Variants in CDK6 observed in about 807,000 individuals in gnomAD.
CDK6 encodes the protein cyclin-dependent kinase 6.
CDK6 carries 6 observed loss-of-function variants against 37.1 expected under a neutral mutation model. The ratio of observed to expected loss-of-function variants is 0.16; its 90% confidence interval spans 0.09 to 0.32. CDK6 has a LOEUF of 0.32. Ranked by LOEUF, CDK6 falls within the 10% of genes least tolerant of loss-of-function variation. The probability of loss-of-function intolerance (pLI) is 1.00; values close to 1 mark genes in which losing one functional copy is unlikely to be tolerated. For missense variants in CDK6, 224 were observed against 418.9 expected (o/e 0.53, Z 4.06); for synonymous variants, 160 against 161.3 (o/e 0.99, Z 0.06).
chr7:92,613,479 C>G lies in CDK6; in HGVS notation c.*1661G>C, dbSNP rs931513746. On this transcript the variant is annotated 3_prime_UTR_variant, in exon 8 of 8. Transcript: ENST00000424848. The stretch of plus-strand genomic sequence containing the variant: ...TTACTAGAGCCAACTGAGCACTAAA[C>G]CACTTATAAGGCAGAGATGGTATGA... 22 of 233,520 alleles carry G rather than the reference C, an allele frequency of 9.4e-5. No individual in the cohort carries two copies. Among genetic ancestry groups the G allele is most frequent in the Non-Finnish European group, 1.8e-4 (21 of 118,052 alleles). 14.5% of individuals were successfully genotyped at this position (233,520 alleles called of 1,614,324 possible). A position where few individuals can be genotyped will look rare whatever the true frequency, so the allele number is the denominator to read the frequency against.
At chr7:92,761,865 C>T (rs1037207476) in intron 3 of CDK6, among the ~76,000 whole-genome samples, 2 of 152,204 alleles carry the variant, frequency 1.3e-5, no homozygotes, top group Non-Finnish European at 2.9e-5. Context: ...TTTCTTAATT[C>T]ACTCTAATGT....
intron 5 of CDK6, among the ~76,000 whole-genome samples, chr7:92,661,968 T>C (rs1304469229): frequency 6.6e-6 from 1 of 152,172 alleles, no homozygotes; most frequent in Non-Finnish European, 1.5e-5. Flanking sequence ...GAGACACTAT[T>C]CTTTCAAGAA....
Position 92,701,111 on chromosome 7 carries a change from G to A in CDK6, c.537+24515C>T, listed in dbSNP as rs370435064. 1.4e-4 allele frequency among the ~76,000 whole-genome samples: 21 copies of A among 152,254 alleles called. No individual in the cohort carries two copies. The East Asian group carries it at 3.9e-3, about 28-fold the overall frequency. On this transcript the variant is annotated intron_variant, in intron 4 of 7. Coordinates refer to ENST00000424848, the MANE Select transcript of CDK6 (RefSeq NM_001145306.2). The stretch of plus-strand genomic sequence containing the variant: ...TTAAGGCTTCTTTGGAAAATAGTGG[G>A]TACAGACTGTGCTTGAAGGCATGGG...
rs191103805 is a variant in CDK6 at position 92,768,603 on chromosome 7, T to C, written c.369+6093A>G. Reference sequence around the variant, plus strand: ...CAATTAGTGCAGCTATGATATTAGATTGAAAAAAATTTCCTTCCAAGATCT... The same window carrying C: ...CAATTAGTGCAGCTATGATATTAGACTGAAAAAAATTTCCTTCCAAGATCT... On this transcript the variant is annotated intron_variant, in intron 3 of 7. Transcript: ENST00000424848. Among the ~76,000 whole-genome samples the C allele has an allele frequency of 5.9e-5, 9 of 152,350 alleles. No homozygotes were observed. In the East Asian group the frequency reaches 1.5e-3, roughly 26 times the overall value.
At chr7:92,724,041 A>T (rs1798450640) in intron 4 of CDK6, among the ~76,000 whole-genome samples, 1 of 152,154 alleles carries the variant, frequency 6.6e-6, no homozygotes, top group Non-Finnish European at 1.5e-5. Context: ...CCTTCAATTA[A>T]CGTACCCAAG....
chr7:92,705,338 T>C (rs1797942320), intron 4 of CDK6, among the ~76,000 whole-genome samples: 1 of 152,230 alleles, frequency 6.6e-6, no homozygotes, highest in Admixed American at 6.5e-5. Context: ...TACGATGTCC[T>C]TCAGGCACCA....
chr7:92,646,754 C>T (rs1264012172), intron 5 of CDK6, among the ~76,000 whole-genome samples: 1 of 151,956 alleles, frequency 6.6e-6, no homozygotes, highest in East Asian at 1.9e-4. Flanking sequence ...GAGAAGAATC[C>T]CATGGGATTC....
intron 3 of CDK6, among the ~76,000 whole-genome samples, chr7:92,749,396 C>A (rs913230982): frequency 5.9e-5 from 9 of 152,148 alleles, no homozygotes; most frequent in African/African-American, 1.9e-4. Context: ...CCCAGGAGTT[C>A]AAGGCTGCAG....
Position 92,833,492 on chromosome 7 carries a change from G to A in CDK6, c.-169C>T, listed in dbSNP as rs1801551255. 1 of 571,090 alleles carries A rather than the reference G, an allele frequency of 1.8e-6. No individual in the cohort carries two copies. 35.4% of individuals were successfully genotyped at this position (571,090 alleles called of 1,614,324 possible). On this transcript the variant is annotated 5_prime_UTR_variant, in exon 2 of 8. Transcript: ENST00000424848. The surrounding 1 kb of genome is among the most constrained non-coding windows in gnomAD (Gnocchi z 6.1). ...CGCTGGGGCTTTCGCCGCTGCAGAA[G>A]CTGGATGGAGAGACCTCCCCGCGGG... is the stretch of plus-strand genomic sequence containing the variant.
chr7:92,709,325 C>T (rs922976819), intron 4 of CDK6, among the ~76,000 whole-genome samples: 1 of 152,090 alleles, frequency 6.6e-6, no homozygotes, highest in Non-Finnish European at 1.5e-5. Context: ...TGAACATGAG[C>T]TGATGTTTCT....
At chr7:92,778,113 A>G (rs1248266708) in intron 2 of CDK6, among the ~76,000 whole-genome samples, 1 of 152,010 alleles carries the variant, frequency 6.6e-6, no homozygotes, top group African/African-American at 2.4e-5. Flanking sequence ...CCAAAACCAA[A>G]AACAAAAAAC....
chr7:92,703,273 T>G (rs568938196), intron 4 of CDK6, among the ~76,000 whole-genome samples: 6 of 151,926 alleles, frequency 3.9e-5, no homozygotes, highest in African/African-American at 1.4e-4. Context: ...TGCTAGAGCC[T>G]CTCCCATAAC....
chr7:92,700,134 A>G lies in CDK6; in HGVS notation c.537+25492T>C, dbSNP rs536751177. On this transcript the variant is annotated intron_variant, in intron 4 of 7. Transcript: ENST00000424848. ...GGGCAAGGGCATGACTGGTAGAGAG[A>G]GCAACATGAGCAAAAGTTGAGGAGT... Among the ~76,000 whole-genome samples the G allele has an allele frequency of 2.0e-5, 3 of 152,280 alleles. No individual in the cohort carries two copies. In the South Asian group the frequency reaches 6.2e-4, roughly 32 times the overall value.
intron 3 of CDK6, among the ~76,000 whole-genome samples, chr7:92,762,359 G>T (rs1383690551): frequency 1.3e-5 from 2 of 151,952 alleles, no homozygotes; most frequent in Middle Eastern, 3.2e-3. Flanking sequence ...TCCCGACCCG[G>T]AATATATTTT....
chr7:92,752,976 C>T (rs1156877817), intron 3 of CDK6, among the ~76,000 whole-genome samples: 2 of 152,028 alleles, frequency 1.3e-5, no homozygotes, highest in South Asian at 2.1e-4. Context: ...AATAATAATG[C>T]TTTTTAAACA....
intron 4 of CDK6, among the ~76,000 whole-genome samples, chr7:92,721,227 A>G (rs1264143232): frequency 6.6e-6 from 1 of 152,196 alleles, no homozygotes; most frequent in Non-Finnish European, 1.5e-5. Flanking sequence ...AGCTGCCCCT[A>G]GGCTTAGGAG....
chr7:92,791,578 A>AAGGAATAG (rs2115857517), intron 2 of CDK6, among the ~76,000 whole-genome samples: 1 of 152,244 alleles, frequency 6.6e-6, no homozygotes, highest in South Asian at 2.1e-4. Flanking sequence ...GTTGAAGTCA[A>AAGGAATAG]AGGAATAGAC....
At chr7:92,779,092 T>G (rs1206438377) in intron 2 of CDK6, among the ~76,000 whole-genome samples, 1 of 152,076 alleles carries the variant, frequency 6.6e-6, no homozygotes, top group African/African-American at 2.4e-5. Flanking sequence ...CCTGGCAGTA[T>G]GCCCTGTTGC....
chr7:92,798,662 G>C (rs1448149073), intron 2 of CDK6, among the ~76,000 whole-genome samples: 3 of 152,160 alleles, frequency 2.0e-5, no homozygotes, highest in Non-Finnish European at 4.4e-5. Context: ...GGGAACCCAA[G>C]TGTGCTGACC....
Sources: allele counts gnomAD v4.1 joint callset (sites outside exome capture counted in the v4.1 genomes callset), GRCh38; gene constraint gnomAD v4.1.1; non-coding constraint Gnocchi (gnomAD v3.1); transcripts MANE v1.5; gene names NCBI Gene and HGNC (gene_info 2026-07-23, HGNC 2026-07-21).